The following ARHGEF10 variants were observed in gnomAD, a reference collection of about 807,000 sequenced individuals.
The protein encoded by ARHGEF10 is Rho guanine nucleotide exchange factor 10, also known as Rho guanine nucleotide exchange factor (GEF) 10.
In ARHGEF10, 140 loss-of-function variants were observed where a neutral mutation model predicts 147.4. The ratio of observed to expected loss-of-function variants is 0.95; its 90% confidence interval spans 0.83 to 1.09. The LOEUF is 1.09. ARHGEF10 is among the 50% of genes least tolerant of loss of function. The probability of loss-of-function intolerance (pLI) is 0.00; values close to 1 mark genes in which losing one functional copy is unlikely to be tolerated. For missense variants in ARHGEF10, 2,222 were observed against 1,752.7 expected, an observed-to-expected ratio of 1.27 and a Z score of -4.78; for synonymous variants, 902 against 695.8, an observed-to-expected ratio of 1.30 and a Z score of -4.67.
chr8:1,849,576 TGGGGCCAGCTGC>T (rs1804849297), intron 2 of ARHGEF10, among the ~76,000 whole-genome samples: 1 of 92,522 alleles, frequency 1.1e-5, no homozygotes, highest in Non-Finnish European at 2.1e-5. Flanking sequence ...GAGGAGGGCG[TGGGGCCAGCTGC>T]GTGGACACAG....
At chr8:1,836,462 G>A (rs1239213926) in intron 1 of ARHGEF10, among the ~76,000 whole-genome samples, 1 of 152,134 alleles carries the variant, frequency 6.6e-6, no homozygotes, top group East Asian at 1.9e-4. Context: ...GTCACCTGTG[G>A]GGAGTTGCCA....
intron 2 of ARHGEF10, among the ~76,000 whole-genome samples, chr8:1,846,822 C>A (rs1362179720): frequency 6.6e-6 from 1 of 152,170 alleles, no homozygotes; most frequent in African/African-American, 2.4e-5. Context: ...AGTGATCTGC[C>A]CACGTTGGCC....
chr8:1,842,118 G>GA (rs1320427371), intron 1 of ARHGEF10, among the ~76,000 whole-genome samples: 2 of 151,686 alleles, frequency 1.3e-5, no homozygotes, highest in African/African-American at 2.4e-5. Flanking sequence ...AGGTGCTGGG[G>GA]ATGGGGCGGG....
intron 3 of ARHGEF10, among the ~76,000 whole-genome samples, chr8:1,859,054 C>T (rs1269265770): frequency 6.6e-6 from 1 of 150,378 alleles, no homozygotes; most frequent in African/African-American, 2.4e-5. Flanking sequence ...GCCATAGCAC[C>T]TGCCTCTTGG....
At chr8:1,825,318 C>T (rs1294101235) in intron 1 of ARHGEF10, among the ~76,000 whole-genome samples, 1 of 15,920 alleles carries the variant, frequency 6.3e-5, no homozygotes, top group African/African-American at 3.5e-4. Flanking sequence ...ACCTGTTCCC[C>T]CGCACCCCAC....
Position 1,948,657 on chromosome 8 carries a change from A to T in ARHGEF10, c.3397+3002A>T, listed in dbSNP as rs888887387. On this transcript the variant is annotated intron_variant, in intron 27 of 28. Coordinates refer to ENST00000349830, the MANE Select transcript of ARHGEF10 (RefSeq NM_014629.4). This position sits in a 1 kb window ranked among gnomAD's most constrained non-coding sequence, Gnocchi z 4.9. ...ATAGACTGAAATGGTTCTGATTTTCATTGCATTTTGTGACTCAGAGGGAAT... is the reference window on the plus strand; with the variant it reads ...ATAGACTGAAATGGTTCTGATTTTCTTTGCATTTTGTGACTCAGAGGGAAT... Among the ~76,000 whole-genome samples the T allele has an allele frequency of 6.6e-6, 1 of 152,144 alleles. No homozygotes were observed. Among genetic ancestry groups the T allele is most frequent in the Non-Finnish European group, 1.5e-5 (1 of 68,040 alleles).
chr8:1,882,936 C>T (rs890551317), intron 10 of ARHGEF10, among the ~76,000 whole-genome samples, 187 bp downstream of exon 10: 4 of 152,140 alleles, frequency 2.6e-5, no homozygotes, highest in Non-Finnish European at 5.9e-5. Flanking sequence ...GCAGGGGTGG[C>T]GTTTTAGACC....
chr8:1,856,037 A>C (rs922238000), intron 2 of ARHGEF10, among the ~76,000 whole-genome samples: 1 of 152,098 alleles, frequency 6.6e-6, no homozygotes, highest in African/African-American at 2.4e-5. Context: ...GGTTCTGTCC[A>C]TTCCAGCTCT....
Position 1,882,718 on chromosome 8 carries a change from C to T in ARHGEF10, c.1044C>T (p.Ser348=), listed in dbSNP as rs2129126475. ...GGGCAGCCGTGAAGAGGGGCCGCTC[C>T]TTCATCAGGACCAAGTCTCTCATCG... ...RTRAAVKRGR[S]FIRTKSLIAQ... The change falls in exon 10 of 29, where the codon TCC becomes TCT. Residue 348 remains serine (S), a synonymous_variant. Coordinates refer to ENST00000349830, the MANE Select transcript of ARHGEF10 (RefSeq NM_014629.4). The T allele has an allele frequency of 6.4e-7, 1 of 1,555,264 alleles. No individual in the cohort carries two copies.
chr8:1,832,734 GCAGAGGCAGAGGCAGAGA>G (rs1803247330), intron 1 of ARHGEF10, among the ~76,000 whole-genome samples: 2 of 4,010 alleles, frequency 5.0e-4, no homozygotes. Context: ...AGAGACAGAG[GCAGAGGCAGAGGCAGAGA>G]CAGAGACAGA....
intron 5 of ARHGEF10, among the ~76,000 whole-genome samples, chr8:1,865,780 G>A (rs1308767788): frequency 6.6e-6 from 1 of 152,174 alleles, no homozygotes; most frequent in Non-Finnish European, 1.5e-5. Context: ...CACGTCTCTG[G>A]GTGCTCACTC....
chr8:1,893,252 T>C (rs1809698243), intron 11 of ARHGEF10, among the ~76,000 whole-genome samples: 1 of 152,222 alleles, frequency 6.6e-6, no homozygotes, highest in Non-Finnish European at 1.5e-5. Flanking sequence ...TCTACCTGAA[T>C]GTTGGATACA....
At position 1,905,707 on chromosome 8, in the gene ARHGEF10, T is replaced by A. The variant is rs1423857939; in HGVS notation, c.1958T>A (p.Val653Asp). The change falls in exon 17 of 29, where the codon GTC becomes GAC. Residue 653 changes from valine to aspartate, a missense_variant. Coordinates refer to ENST00000349830, the MANE Select transcript of ARHGEF10 (RefSeq NM_014629.4). ...MLNDVLMCAT[V>D]SSRPSHDSRV... ...AATGATGTGTTAATGTGTGCCACCGTCAGCTCACGGTAAGTGCATAAATTC... is the reference window on the plus strand; with the variant it reads ...AATGATGTGTTAATGTGTGCCACCGACAGCTCACGGTAAGTGCATAAATTC... 6.2e-7 allele frequency: 1 copy of A among 1,613,774 alleles called. No individual in the cohort carries two copies. The highest frequency in any genetic ancestry group is 1.3e-5 in the African/African-American group (1 of 74,940).
intron 18 of ARHGEF10, among the ~76,000 whole-genome samples, chr8:1,915,562 G>A (rs931771002): frequency 6.6e-6 from 1 of 152,256 alleles, no homozygotes; most frequent in Non-Finnish European, 1.5e-5. Flanking sequence ...AGCATCACAC[G>A]TGCTTTCAGG....
intron 7 of ARHGEF10, among the ~76,000 whole-genome samples, chr8:1,874,511 C>T (rs913685429): frequency 1.3e-5 from 2 of 152,118 alleles, no homozygotes; most frequent in African/African-American, 2.4e-5. Flanking sequence ...TTGTATGGAC[C>T]AGAAAAGTTG....
At chr8:1,866,663 C>T (rs1391770681) in intron 6 of ARHGEF10, 61 bp downstream of exon 6, 31 of 1,491,344 alleles carry the variant, frequency 2.1e-5, no homozygotes, top group East Asian at 1.8e-4. Context: ...GTCACTGCGG[C>T]GGGGCCGGGT....
In ARHGEF10 at chr8:1,859,988, C is replaced by A. The variant is rs539543107; in HGVS notation, c.285C>A (p.Ile95=). Residue 95 remains isoleucine, a synonymous_variant, in exon 4 of 29, where the codon ATC becomes ATA. Coordinates refer to ENST00000349830, the MANE Select transcript of ARHGEF10 (RefSeq NM_014629.4). ...TGAAAGTCAACCCATATTCTGTCAT[C>A]GACATCACGCCATTCCAGGAGGACC... ...LPMKVNPYSV[I]DITPFQEDQP... is the part of the protein sequence containing the mutation. 1 of 1,614,170 alleles carries A rather than the reference C, an allele frequency of 6.2e-7. No individual in the cohort carries two copies. Among genetic ancestry groups the A allele is most frequent in the Non-Finnish European group, 8.5e-7 (1 of 1,180,022 alleles).
intron 10 of ARHGEF10, among the ~76,000 whole-genome samples, chr8:1,884,501 T>G (rs1808491532): frequency 6.6e-6 from 1 of 152,128 alleles, no homozygotes; most frequent in African/African-American, 2.4e-5. Flanking sequence ...TGGTTGTACC[T>G]AAGAATTAAC....
In ARHGEF10 at chr8:1,823,939, A is replaced by C. The variant is rs1328391833; in HGVS notation, c.-222A>C. ...CGTCCGGGCGGGAGGGGCTGGGCGC[A>C]TCCCTGTAGCCGGCGGGCGCGCGAT... On this transcript the variant is annotated 5_prime_UTR_variant, in exon 1 of 29. Coordinates refer to ENST00000349830, the MANE Select transcript of ARHGEF10 (RefSeq NM_014629.4). 2 of 149,308 alleles carry C rather than the reference A, an allele frequency of 1.3e-5. No individual in the cohort carries two copies. Among genetic ancestry groups the C allele is most frequent in the African/African-American group, 5.0e-5 (2 of 40,240 alleles). 9.2% of individuals were successfully genotyped at this position (149,308 alleles called of 1,614,324 possible).
Sources: allele counts gnomAD v4.1 joint callset (sites outside exome capture counted in the v4.1 genomes callset), GRCh38; gene constraint gnomAD v4.1.1; non-coding constraint Gnocchi (gnomAD v3.1); transcripts MANE v1.5; gene names NCBI Gene and HGNC (gene_info 2026-07-23, HGNC 2026-07-21).